SMPD3: variants seen among roughly 807,000 people sequenced by gnomAD.
SMPD3 encodes nSMase-2.
In SMPD3, 21 loss-of-function variants were observed where a neutral mutation model predicts 55.7. That is an observed-to-expected ratio of 0.38 (90% CI 0.27 to 0.54). The LOEUF (loss-of-function observed/expected upper bound fraction) is 0.54. Among genes scored for constraint, SMPD3 ranks in the 20% least tolerant of loss-of-function variants. The pLI, the probability that SMPD3 is intolerant of heterozygous loss-of-function variation, is 0.80. For synonymous variants in SMPD3, 457 were observed against 404.3 expected, an observed-to-expected ratio of 1.13 and a Z score of -1.56; for missense variants, 842 against 899.6, an observed-to-expected ratio of 0.94 and a Z score of 0.82.
At chr16:68,388,790 CTT>C (rs1251931006) in intron 1 of SMPD3, among the ~76,000 whole-genome samples, 1 of 152,186 alleles carries the variant, frequency 6.6e-6, no homozygotes, top group African/African-American at 2.4e-5. Flanking sequence ...AGGCCCTTCT[CTT>C]TTCTCAAAGA....
At chr16:68,422,678 T>C (rs2090405077) in intron 1 of SMPD3, among the ~76,000 whole-genome samples, 1 of 152,194 alleles carries the variant, frequency 6.6e-6, no homozygotes, top group Non-Finnish European at 1.5e-5. Flanking sequence ...GCCACAGATC[T>C]GAGATGACTG....
At chr16:68,388,049 T>C (rs1053833566) in intron 1 of SMPD3, among the ~76,000 whole-genome samples, 7 of 152,134 alleles carry the variant, frequency 4.6e-5, no homozygotes, top group African/African-American at 1.7e-4. Flanking sequence ...CTCCCTCCTC[T>C]GTAACATTAG....
chr16:68,389,276 C>T (rs1487981251), intron 1 of SMPD3, among the ~76,000 whole-genome samples: 4 of 152,190 alleles, frequency 2.6e-5, no homozygotes, highest in African/African-American at 4.8e-5. Flanking sequence ...GTCCCAAGCA[C>T]GCTCCTGCCT....
At chr16:68,443,478 TC>T (rs1245411155) in intron 1 of SMPD3, among the ~76,000 whole-genome samples, 1 of 152,222 alleles carries the variant, frequency 6.6e-6, no homozygotes, top group Non-Finnish European at 1.5e-5. Flanking sequence ...GTACTCTTTG[TC>T]AAATAACAGC....
At chr16:68,366,835 CTG>C (rs1021985401) in intron 3 of SMPD3, among the ~76,000 whole-genome samples, 3 of 152,132 alleles carry the variant, frequency 2.0e-5, no homozygotes, top group Non-Finnish European at 4.4e-5. Context: ...TGGTGAAACG[CTG>C]TCTCTACTAA....
chr16:68,380,454 C>G (rs1017673803), intron 2 of SMPD3, among the ~76,000 whole-genome samples: 1 of 152,234 alleles, frequency 6.6e-6, no homozygotes, highest in East Asian at 1.9e-4. Flanking sequence ...ACCTCAAGTG[C>G]TCTGAGCCTG....
At chr16:68,446,469 AG>A (rs2090610562) in intron 1 of SMPD3, among the ~76,000 whole-genome samples, 1 of 39,316 alleles carries the variant, frequency 2.5e-5, no homozygotes, top group Non-Finnish European at 7.5e-5. Flanking sequence ...TCAGTAAATG[AG>A]TAAGTGGTTC....
In SMPD3 at chr16:68,361,307, C is replaced by T. The variant is rs1255309230; in HGVS notation, c.1867G>A (p.Glu623Lys). The change falls in exon 9 of 9, where the codon GAG (glutamate) becomes AAG (lysine). Residue 623 changes from glutamate (E) to lysine (K), a missense_variant and splice_region_variant. Glu to Lys is a moderately conservative substitution (Grantham distance 56). Around this residue, in one of 2 missense-constraint regions of SMPD3, gnomAD observed 649 missense variants for 643.6 expected, o/e 1.01. Coordinates refer to ENST00000219334, the MANE Select transcript of SMPD3 (RefSeq NM_018667.4). ...EEGLCPDWKAEVEEFSFITQL... is the reference protein window; with the variant it reads ...EEGLCPDWKAKVEEFSFITQL... ...GTGATAAAACTGAATTCTTCCACCT[C>T]CTGGGGTGAGTGGGAGAGGGGAGAA... 2.5e-6 allele frequency: 4 copies of T among 1,609,518 alleles called. No individual in the cohort carries two copies.
At chr16:68,393,271 G>T (rs2090128211) in intron 1 of SMPD3, among the ~76,000 whole-genome samples, 1 of 152,116 alleles carries the variant, frequency 6.6e-6, no homozygotes, top group Non-Finnish European at 1.5e-5. Flanking sequence ...TGGGTGTGGT[G>T]GTGTGAGTCT....
Position 68,361,021 on chromosome 16 carries a change from C to A in SMPD3, c.*185G>T, listed in dbSNP as rs1236658167. ...GGAGGCTCCTGGGGCGGGCCTGACT[C>A]CTCTGTCCACAGTGAGGCCCAGAGG... On this transcript the variant is annotated 3_prime_UTR_variant, in exon 9 of 9. Transcript: ENST00000219334. 5.1e-6 allele frequency: 3 copies of A among 590,842 alleles called. No homozygotes were observed. Among genetic ancestry groups the A allele is most frequent in the Non-Finnish European group, 8.9e-6 (3 of 336,938 alleles). 36.6% of individuals were successfully genotyped at this position (590,842 alleles called of 1,614,324 possible).
At chr16:68,385,154 G>C (rs2090030156) in intron 2 of SMPD3, among the ~76,000 whole-genome samples, 1 of 152,192 alleles carries the variant, frequency 6.6e-6, no homozygotes, top group African/African-American at 2.4e-5. Flanking sequence ...AATGGGTACA[G>C]CTGGCCCCAC....
rs758199576 is a variant in SMPD3, at chr16:68,444,379, C to T, written c.-269+3974G>A. Among the ~76,000 whole-genome samples, 40 of 152,352 alleles carry T rather than the reference C, an allele frequency of 2.6e-4. 1 individual carries two copies. Among genetic ancestry groups the T allele is most frequent in the Non-Finnish European group, 5.1e-4 (35 of 68,040 alleles). Reference sequence around the variant, plus strand: ...GAATACCAGGGCTGCAGTCTCATTTCCAGCATGCATGCTGCCACTTGCATG... The same window carrying T: ...GAATACCAGGGCTGCAGTCTCATTTTCAGCATGCATGCTGCCACTTGCATG... On this transcript the variant is annotated intron_variant, in intron 1 of 8. Transcript: ENST00000219334.
At chr16:68,400,133 C>T (rs372969210) in intron 1 of SMPD3, among the ~76,000 whole-genome samples, 2 of 152,226 alleles carry the variant, frequency 1.3e-5, no homozygotes, top group African/African-American at 4.8e-5. Flanking sequence ...GTTCTCAATC[C>T]ATCCTGCCAC....
At chr16:68,441,082 C>T (rs187457986) in intron 1 of SMPD3, among the ~76,000 whole-genome samples, 1 of 152,318 alleles carries the variant, frequency 6.6e-6, no homozygotes, top group African/African-American at 2.4e-5. Flanking sequence ...TCTGCTTGCT[C>T]TCCTTCCTGT....
intron 1 of SMPD3, among the ~76,000 whole-genome samples, chr16:68,435,481 AT>A (rs34379714): frequency 0.72 from 107,897 of 150,390 alleles, 39,618 homozygotes; most frequent in East Asian, 0.88. Flanking sequence ...ACACTCTGGC[AT>A]TTTTTTTTTC....
intron 2 of SMPD3, among the ~76,000 whole-genome samples, chr16:68,384,456 A>G (rs1304042178): frequency 1.3e-5 from 2 of 152,234 alleles, no homozygotes; most frequent in Non-Finnish European, 2.9e-5. Context: ...AAAGGGAGGT[A>G]ACCAGCCCCT....
chr16:68,388,293 G>A (rs1305901006), intron 1 of SMPD3, among the ~76,000 whole-genome samples: 1 of 152,058 alleles, frequency 6.6e-6, no homozygotes, highest in African/African-American at 2.4e-5. Flanking sequence ...AGTCCAGCCT[G>A]CCGGGAAGCA....
At chr16:68,445,822 GT>G (rs2090605079) in intron 1 of SMPD3, among the ~76,000 whole-genome samples, 1 of 152,226 alleles carries the variant, frequency 6.6e-6, no homozygotes, top group Admixed American at 6.5e-5. Flanking sequence ...AAGCTGCACA[GT>G]ACCTTTGCTA....
intron 1 of SMPD3, among the ~76,000 whole-genome samples, chr16:68,441,085 C>A (rs572213297): frequency 6.6e-6 from 1 of 152,170 alleles, no homozygotes; most frequent in Non-Finnish European, 1.5e-5. Context: ...GCTTGCTCTC[C>A]TTCCTGTTGC....
Sources: allele counts gnomAD v4.1 joint callset (sites outside exome capture counted in the v4.1 genomes callset), GRCh38; gene constraint gnomAD v4.1.1; regional missense constraint gnomAD v4.1.1; transcripts MANE v1.5; gene names NCBI Gene and HGNC (gene_info 2026-07-23, HGNC 2026-07-21).